Variants in GREM2 observed in about 807,000 individuals in gnomAD.
The protein encoded by GREM2 is gremlin-2.
GREM2 carries 11 observed loss-of-function variants against 14.2 expected under a neutral mutation model. The ratio of observed to expected loss-of-function variants is 0.78; its 90% confidence interval spans 0.49 to 1.28. The LOEUF is 1.28. Among genes scored for constraint, GREM2 ranks in the 50% most tolerant of loss-of-function variants. The probability of loss-of-function intolerance (pLI) is 0.00; values close to 1 mark genes in which losing one functional copy is unlikely to be tolerated. For synonymous variants in GREM2, 98 were observed against 97.6 expected (o/e 1.00, Z -0.02); for missense variants, 210 against 218.5 (o/e 0.96, Z 0.24).
chr1:240,523,754 T>C (rs180790933), intron 1 of GREM2, among the ~76,000 whole-genome samples: 1 of 152,292 alleles, frequency 6.6e-6, no homozygotes, highest in African/African-American at 2.4e-5. Flanking sequence ...TATGAAATTT[T>C]ACCTTTAATA....
intron 1 of GREM2, among the ~76,000 whole-genome samples, chr1:240,609,822 A>G (rs1033406371): frequency 2.0e-4 from 30 of 152,180 alleles, no homozygotes; most frequent in African/African-American, 7.0e-4. Context: ...ATTCCTTTGC[A>G]TTAGAAAAAG....
At chr1:240,556,144 A>G (rs1225289933) in intron 1 of GREM2, among the ~76,000 whole-genome samples, 2 of 152,220 alleles carry the variant, frequency 1.3e-5, no homozygotes, top group African/African-American at 4.8e-5. Flanking sequence ...TAGCTTTATA[A>G]AGAATATTCA....
At chr1:240,514,978 GAACAA>G (rs1677922247) in intron 1 of GREM2, among the ~76,000 whole-genome samples, 1 of 151,438 alleles carries the variant, frequency 6.6e-6, no homozygotes, top group Non-Finnish European at 1.5e-5. Context: ...AAAAAAAACT[GAACAA>G]AACAAAACAT....
At chr1:240,507,127 C>T (rs4659974) in intron 1 of GREM2, among the ~76,000 whole-genome samples, 105,626 of 152,106 alleles carry the variant, frequency 0.69, 37,315 homozygotes, top group Middle Eastern at 0.81. Context: ...TGGTAGAACA[C>T]GGGCCTCAGA....
intron 1 of GREM2, among the ~76,000 whole-genome samples, chr1:240,547,269 G>T (rs1400888370): frequency 1.3e-5 from 2 of 151,998 alleles, no homozygotes; most frequent in Non-Finnish European, 2.9e-5. Context: ...GGGAGGCCGA[G>T]GTGGGCGGAT....
At position 240,523,613 on chromosome 1, in the gene GREM2, T is replaced by A. The variant is rs1464127978; in HGVS notation, c.-1-30137A>T. Among the ~76,000 whole-genome samples, 3 of 152,262 alleles carry A rather than the reference T, an allele frequency of 2.0e-5. No homozygotes were observed. The East Asian group carries it at 5.8e-4, about 29-fold the overall frequency. ...TCATTAAATGTATTGTAAGAATTTA[T>A]TTAACCAGTAACTTATTGATGATCC... is the stretch of plus-strand genomic sequence containing the variant. On this transcript the variant is annotated intron_variant, in intron 1 of 1. Transcript: ENST00000318160.
intron 1 of GREM2, among the ~76,000 whole-genome samples, chr1:240,514,975 A>C (rs1275096882): frequency 1.3e-5 from 2 of 149,134 alleles, no homozygotes; most frequent in Non-Finnish European, 3.0e-5. Context: ...CAAAAAAAAA[A>C]CTGAACAAAA....
At chr1:240,497,672 C>G (rs1209213999) in intron 1 of GREM2, among the ~76,000 whole-genome samples, 2 of 132,248 alleles carry the variant, frequency 1.5e-5, no homozygotes, top group Non-Finnish European at 1.6e-5. Context: ...TTTGCAAAAA[C>G]ATTTTGTCCA....
chr1:240,537,743 C>A (rs903043448), intron 1 of GREM2, among the ~76,000 whole-genome samples: 1 of 152,064 alleles, frequency 6.6e-6, no homozygotes, highest in Admixed American at 6.6e-5. Context: ...CGAGATGGCG[C>A]CACTGCACTC....
At chr1:240,529,431 T>G (rs1167781048) in intron 1 of GREM2, among the ~76,000 whole-genome samples, 1 of 152,096 alleles carries the variant, frequency 6.6e-6, no homozygotes, top group Non-Finnish European at 1.5e-5. Context: ...ATGTTGTCAT[T>G]CTCATGACCC....
At chr1:240,583,505 T>G (rs966295914) in intron 1 of GREM2, among the ~76,000 whole-genome samples, 1 of 152,208 alleles carries the variant, frequency 6.6e-6, no homozygotes, top group Non-Finnish European at 1.5e-5. Context: ...CTTCTATAAT[T>G]TGCTCTGATG....
At chr1:240,496,282 C>T (rs916506513) in intron 1 of GREM2, among the ~76,000 whole-genome samples, 2 of 152,120 alleles carry the variant, frequency 1.3e-5, no homozygotes, top group Non-Finnish European at 2.9e-5. Flanking sequence ...CTCCCCACTC[C>T]CCTGCATCTC....
intron 1 of GREM2, among the ~76,000 whole-genome samples, chr1:240,564,691 G>T (rs1422126055): frequency 6.6e-6 from 1 of 152,106 alleles, no homozygotes; most frequent in Admixed American, 6.6e-5. Flanking sequence ...GACAATATAT[G>T]CACGAGGTCA....
chr1:240,509,559 G>T (rs1677757675), intron 1 of GREM2, among the ~76,000 whole-genome samples: 1 of 151,826 alleles, frequency 6.6e-6, no homozygotes, highest in Non-Finnish European at 1.5e-5. Context: ...GTAGAGACGG[G>T]GTTTCTCCAT....
chr1:240,505,651 CA>C (rs1353097444), intron 1 of GREM2, among the ~76,000 whole-genome samples: 18 of 150,690 alleles, frequency 1.2e-4, no homozygotes, highest in Non-Finnish European at 1.5e-5. Flanking sequence ...TCCAAAGAGC[CA>C]AAAAAATTAA....
rs566074113 is a variant in GREM2, at chr1:240,558,281, A to G, written c.-2+53603T>C. On this transcript the variant is annotated intron_variant, in intron 1 of 1. Coordinates refer to ENST00000318160, the MANE Select transcript of GREM2 (RefSeq NM_022469.4). Reference sequence around the variant, plus strand: ...GAATCAGCTGGAAACTTTGATAGTAATTGCCTTTGGGGGCTGAAAATTTGA... The same window carrying G: ...GAATCAGCTGGAAACTTTGATAGTAGTTGCCTTTGGGGGCTGAAAATTTGA... 2.6e-5 allele frequency among the ~76,000 whole-genome samples: 4 copies of G among 152,136 alleles called. No homozygotes were observed. The South Asian group carries it at 6.2e-4, about 24-fold the overall frequency.
At chr1:240,575,370 G>T (rs1679340480) in intron 1 of GREM2, among the ~76,000 whole-genome samples, 1 of 151,196 alleles carries the variant, frequency 6.6e-6, no homozygotes, top group South Asian at 2.1e-4. Flanking sequence ...TAGTTCTCAA[G>T]AATCAGGCAA....
chr1:240,584,877 T>C (rs1679559546), intron 1 of GREM2, among the ~76,000 whole-genome samples: 1 of 152,162 alleles, frequency 6.6e-6, no homozygotes, highest in Non-Finnish European at 1.5e-5. Context: ...CATCCTCTGA[T>C]TTTGGTATCC....
intron 1 of GREM2, among the ~76,000 whole-genome samples, chr1:240,601,440 GTTATTAAGGGAAAAAGC>G (rs1204940820): frequency 2.0e-5 from 3 of 152,158 alleles, no homozygotes; most frequent in Non-Finnish European, 4.4e-5. Flanking sequence ...TAGAGCCAAA[GTTATTAAGGGAAAAAGC>G]TTCTTAAGCC....
Sources: allele counts gnomAD v4.1 joint callset (sites outside exome capture counted in the v4.1 genomes callset), GRCh38; gene constraint gnomAD v4.1.1; transcripts MANE v1.5; gene names NCBI Gene and HGNC (gene_info 2026-07-23, HGNC 2026-07-21).